Variants in LIMD1 observed in about 807,000 individuals in gnomAD.
LIMD1 encodes the protein LIM domain-containing protein 1.
Under a neutral mutation model 58.4 loss-of-function variants are expected in LIMD1, and 23 were observed. The ratio of observed to expected loss-of-function variants is 0.39; its 90% CI spans 0.28 to 0.56. The LOEUF is 0.56. Ranked by LOEUF, LIMD1 falls within the 20% of genes least tolerant of loss-of-function variation. The probability of loss-of-function intolerance (pLI) is 0.57; values close to 1 mark genes in which losing one functional copy is unlikely to be tolerated. For synonymous variants in LIMD1, 334 were observed against 345.5 expected, an observed-to-expected ratio of 0.97 and a Z score of 0.37; for missense variants, 838 against 855.5, an observed-to-expected ratio of 0.98 and a Z score of 0.25.
At chr3:45,672,554 C>A in intron 4 of LIMD1, 136 bp from the exon 5 acceptor site, 1 of 947,972 alleles carries the variant, frequency 1.1e-6, no homozygotes, top group Non-Finnish European at 1.6e-6. Context: ...TCTTGCTCTT[C>A]TCCTAGGTGA....
At chr3:45,664,239 C>T (rs1697482614) in intron 2 of LIMD1, among the ~76,000 whole-genome samples, 1 of 152,140 alleles carries the variant, frequency 6.6e-6, no homozygotes, top group Non-Finnish European at 1.5e-5. Context: ...CTCCTGACCT[C>T]AAGTGATCCT....
chr3:45,624,936 C>A (rs1328732105), intron 1 of LIMD1, among the ~76,000 whole-genome samples: 1 of 151,432 alleles, frequency 6.6e-6, no homozygotes, highest in Non-Finnish European at 1.5e-5. Flanking sequence ...GAGTAGGTGC[C>A]CCCCAAAGTT....
intron 1 of LIMD1, among the ~76,000 whole-genome samples, chr3:45,611,186 A>G (rs1701519284): frequency 6.6e-6 from 1 of 152,238 alleles, no homozygotes; most frequent in African/African-American, 2.4e-5. Context: ...CGATTTGTTC[A>G]GAACCACAAA....
At chr3:45,669,607 CATT>C (rs1255429411) in intron 4 of LIMD1, among the ~76,000 whole-genome samples, 1 of 152,172 alleles carries the variant, frequency 6.6e-6, no homozygotes, top group Non-Finnish European at 1.5e-5. Flanking sequence ...CAAAGGCAAC[CATT>C]ATTCCAACTT....
chr3:45,624,931 G>A (rs980727583), intron 1 of LIMD1, among the ~76,000 whole-genome samples: 3 of 150,830 alleles, frequency 2.0e-5, no homozygotes, highest in Middle Eastern at 3.2e-3. Flanking sequence ...GAGTGGAGTA[G>A]GTGCCCCCCA....
intron 2 of LIMD1, among the ~76,000 whole-genome samples, chr3:45,663,868 ATTTT>A (rs553757543): frequency 6.8e-5 from 7 of 102,894 alleles, no homozygotes; most frequent in African/African-American, 2.6e-4. Context: ...TGCCTGGCTA[ATTTT>A]TTTTTTTTTT....
intron 6 of LIMD1, chr3:45,673,948 C>T (rs1439055702): frequency 3.9e-6 from 1 of 255,204 alleles, no homozygotes; most frequent in African/African-American, 2.2e-5. Context: ...CTTCACCCTT[C>T]CTTGTTGACT....
At chr3:45,605,447 G>A (rs991225871) in intron 1 of LIMD1, among the ~76,000 whole-genome samples, 2 of 152,240 alleles carry the variant, frequency 1.3e-5, no homozygotes, top group Admixed American at 1.3e-4. Context: ...AATCACTCAT[G>A]TACCTTCCAT....
chr3:45,627,834 A>G (rs926959188), intron 1 of LIMD1, among the ~76,000 whole-genome samples: 3 of 151,412 alleles, frequency 2.0e-5, no homozygotes, highest in African/African-American at 7.3e-5. Flanking sequence ...ATGGCGAAAC[A>G]CCATCTCTAC....
intron 1 of LIMD1, among the ~76,000 whole-genome samples, chr3:45,623,443 G>A (rs1701644547): frequency 6.6e-6 from 1 of 152,150 alleles, no homozygotes; most frequent in Non-Finnish European, 1.5e-5. Context: ...CCAGGGAATA[G>A]TAGTGTCCTT....
rs1460197778 is a variant in LIMD1 at position 45,654,827 on chromosome 3, A to AG, written c.1511-10823_1511-10822insG. Among the ~76,000 whole-genome samples, 1,133 of 151,228 alleles carry AG rather than the reference A, an allele frequency of 7.5e-3. 18 individuals carry two copies. The highest frequency in any genetic ancestry group is 0.025 in the African/African-American group (1,011 of 41,056). On this transcript the variant is annotated intron_variant, in intron 2 of 7. Coordinates refer to ENST00000273317, the MANE Select transcript of LIMD1 (RefSeq NM_014240.3). The stretch of plus-strand genomic sequence containing the variant: ...GACCCTGTCTCAAAAAAAAAAAAAA[A>AG]AAAAAAAGAAAAAAGAAAAAATTCA...
chr3:45,596,587 A>G (rs1701358199), intron 1 of LIMD1, among the ~76,000 whole-genome samples: 2 of 152,076 alleles, frequency 1.3e-5, no homozygotes, highest in South Asian at 2.1e-4. Flanking sequence ...TTGGATTTCA[A>G]GGGTTTTGGG....
intron 1 of LIMD1, among the ~76,000 whole-genome samples, chr3:45,601,954 T>A (rs565713059): frequency 6.6e-6 from 1 of 151,680 alleles, no homozygotes; most frequent in East Asian, 1.9e-4. Flanking sequence ...TTTTTTTTTT[T>A]TTTTTTGAGA....
chr3:45,684,024 CAG>C lies in LIMD1; in HGVS notation c.*6967_*6968del, dbSNP rs770705691. 6.6e-6 allele frequency: 1 copy of C among 152,132 alleles called. No individual in the cohort carries two copies. The highest frequency in any genetic ancestry group is 1.5e-5 in the Non-Finnish European group (1 of 68,028). 9.4% of individuals were successfully genotyped at this position (152,132 alleles called of 1,614,324 possible). A position where few individuals can be genotyped will look rare whatever the true frequency, so the allele number is the denominator to read the frequency against. On this transcript the variant is annotated 3_prime_UTR_variant, in exon 8 of 8. Transcript: ENST00000273317. ...TTTGCAATTTTCCCTGGATTGAAAA[CAG>C]AAATGCTTCCTACACAAACATGATT...
intron 1 of LIMD1, among the ~76,000 whole-genome samples, chr3:45,597,532 T>C (rs1701369701): frequency 6.6e-6 from 1 of 152,246 alleles, no homozygotes; most frequent in South Asian, 2.1e-4. Context: ...GGTTTAGTGG[T>C]AGTTGTATCT....
rs912350344 is a variant in LIMD1 at position 45,636,357 on chromosome 3, C to T, written c.1510+106C>T. On this transcript the variant is annotated intron_variant, in intron 2 of 7. Transcript: ENST00000273317. ...TTTCTGGAGACGGTTGGTCCATGGCCCTCCTCAGCCCCACAGAAAAGCCAG... is the reference window on the plus strand; with the variant it reads ...TTTCTGGAGACGGTTGGTCCATGGCTCTCCTCAGCCCCACAGAAAAGCCAG... 4 of 795,340 alleles carry T rather than the reference C, an allele frequency of 5.0e-6. No individual in the cohort carries two copies. In the Admixed American group the frequency reaches 1.0e-4, roughly 21 times the overall value. The allele number at this position is 795,340 out of a possible 1,614,324, so 49.3% of individuals were successfully genotyped here.
At chr3:45,632,610 A>T (rs922281053) in intron 1 of LIMD1, 5 of 929,332 alleles carry the variant, frequency 5.4e-6, no homozygotes, top group Non-Finnish European at 6.4e-6. Flanking sequence ...ATGTGATTCA[A>T]CTCACACTTG....
At position 45,636,244 on chromosome 3, in the gene LIMD1, A is replaced by C; in HGVS notation, c.1503A>C (p.Ala501=). The C allele has an allele frequency of 6.2e-7, 1 of 1,607,002 alleles. No individual in the cohort carries two copies. The highest frequency in any genetic ancestry group is 8.5e-7 in the Non-Finnish European group (1 of 1,176,382). The change falls in exon 2 of 8, where the codon GCA becomes GCC. Residue 501 remains alanine, a synonymous_variant. Transcript: ENST00000273317. ...NLYHDTCFTC[A]ACSRKLRGKA... ...ACCATGACACATGCTTCACCTGTGC[A>C]GCTTGCAGTAAGTGTGGGTGTGGGT...
chr3:45,607,238 C>T (rs560815580), intron 1 of LIMD1, among the ~76,000 whole-genome samples: 1 of 152,158 alleles, frequency 6.6e-6, no homozygotes, highest in Non-Finnish European at 1.5e-5. Context: ...TATATCCACT[C>T]CAGTTTTTGT....
Sources: allele counts gnomAD v4.1 joint callset (sites outside exome capture counted in the v4.1 genomes callset), GRCh38; gene constraint gnomAD v4.1.1; transcripts MANE v1.5; gene names NCBI Gene and HGNC (gene_info 2026-07-23, HGNC 2026-07-21).